PIWIL3: variants seen among roughly 807,000 people sequenced by gnomAD.
PIWIL3 encodes the protein piwi like RNA-mediated gene silencing 3, also known as piwi-like protein 3.
In PIWIL3, 101 loss-of-function variants were observed where a neutral mutation model predicts 109.7. That is an observed-to-expected ratio of 0.92 (90% CI 0.78 to 1.09). The LOEUF is 1.09. Ranked by LOEUF, PIWIL3 falls within the 50% of genes least tolerant of loss-of-function variation. The pLI, the probability that PIWIL3 is intolerant of heterozygous loss-of-function variation, is 0.00. For synonymous variants in PIWIL3, 373 were observed against 376.4 expected, an observed-to-expected ratio of 0.99 and a Z score of 0.10; for missense variants, 1,031 against 1,072.6, an observed-to-expected ratio of 0.96 and a Z score of 0.54.
chr22:24,769,770 T>G (rs1926018029), intron 1 of PIWIL3: 1 of 151,784 alleles, frequency 6.6e-6, no homozygotes, highest in Non-Finnish European at 1.5e-5. Context: ...CACTCTGGCC[T>G]GGGCAACAAC....
At chr22:24,749,621 G>T (rs7292923) in intron 10 of PIWIL3, 72 bp downstream of exon 10, 1 of 1,611,424 alleles carries the variant, frequency 6.2e-7, no homozygotes, top group Non-Finnish European at 8.5e-7. Context: ...GACACCCTTC[G>T]AATTCCCTGA....
Position 24,746,448 on chromosome 22 carries a change from C to T in PIWIL3, c.1449+2459G>A, listed in dbSNP as rs142351201. Among the ~76,000 whole-genome samples, 329 of 139,738 alleles carry T rather than the reference C, an allele frequency of 2.4e-3. 8 individuals are homozygous for T. In the East Asian group the frequency reaches 0.067, roughly 29 times the overall value. The allele number at this position is 139,738 out of a possible 152,430, so 91.7% of individuals were successfully genotyped here. ...CATAATAAAAGCCATACACTTCAGA[C>T]CCACAGCTAGTATGGGAAAAAACTG... is the stretch of plus-strand genomic sequence containing the variant. On this transcript the variant is annotated intron_variant, in intron 12 of 20. Coordinates refer to ENST00000616349, the MANE Select transcript of PIWIL3 (RefSeq NM_001255975.1).
Position 24,756,543 on chromosome 22 carries a change from C to A in PIWIL3, c.518G>T (p.Arg173Leu). 4 of 1,614,098 alleles carry A rather than the reference C, an allele frequency of 2.5e-6. No individual in the cohort carries two copies. Among genetic ancestry groups the A allele is most frequent in the Non-Finnish European group, 3.4e-6 (4 of 1,180,000 alleles). Residue 173 changes from arginine to leucine, a missense_variant, in exon 5 of 21, where the codon CGC becomes CTC. Transcript: ENST00000616349. ...TAAAGAGTTTCCATCAAATATATGG[C>A]GCTCTCCAAATTTCCTTCTATGTTG... ...LDQHRRKFGE[R>L]HIFDGNSLLL...
chr22:24,743,193 A>G (rs1924111477), intron 12 of PIWIL3, among the ~76,000 whole-genome samples: 1 of 152,222 alleles, frequency 6.6e-6, no homozygotes. Context: ...AAAAAAATCA[A>G]AAGACAGATG....
intron 16 of PIWIL3, among the ~76,000 whole-genome samples, chr22:24,726,870 C>T (rs1386156753): frequency 6.6e-6 from 1 of 152,174 alleles, no homozygotes; most frequent in Non-Finnish European, 1.5e-5. Flanking sequence ...CATTATTAAA[C>T]AGAGGTAATT....
intron 4 of PIWIL3, among the ~76,000 whole-genome samples, chr22:24,757,440 C>G (rs1266093879): frequency 6.6e-6 from 1 of 152,084 alleles, no homozygotes; most frequent in African/African-American, 2.4e-5. Flanking sequence ...GGAGGCACCT[C>G]TACTTACAGT....
At chr22:24,762,131 GA>G (rs1401147747) in intron 2 of PIWIL3, among the ~76,000 whole-genome samples, 22 of 152,220 alleles carry the variant, frequency 1.4e-4, no homozygotes, top group African/African-American at 5.1e-4. Flanking sequence ...CTGAAGCCAA[GA>G]AATCTAGAAA....
At chr22:24,760,121 T>C in intron 2 of PIWIL3, 132 bp from the exon 3 acceptor site, 1 of 1,270,138 alleles carries the variant, frequency 7.9e-7, no homozygotes, top group South Asian at 1.4e-5. Flanking sequence ...ATAAACTAAG[T>C]TGTAATAAGC....
chr22:24,721,043 T>G (rs145268759), intron 19 of PIWIL3, among the ~76,000 whole-genome samples: 93 of 152,316 alleles, frequency 6.1e-4, no homozygotes, highest in African/African-American at 2.2e-3. Context: ...CATTTCATTC[T>G]CTCTTAACTG....
At chr22:24,737,787 G>A (rs1213070271) in intron 12 of PIWIL3, among the ~76,000 whole-genome samples, 1 of 152,164 alleles carries the variant, frequency 6.6e-6, no homozygotes, top group African/African-American at 2.4e-5. Context: ...GGACCTTAAG[G>A]GAACAGTGGT....
In PIWIL3 at chr22:24,719,776, C is replaced by T. The variant is rs1163129582; in HGVS notation, c.2477G>A (p.Cys826Tyr). 6.2e-7 allele frequency: 1 copy of T among 1,613,008 alleles called. No homozygotes were observed. Among genetic ancestry groups the T allele is most frequent in the Non-Finnish European group, 8.5e-7 (1 of 1,179,186 alleles). The change falls in exon 20 of 21, where the codon TGT (cysteine) becomes TAT (tyrosine). Residue 826 changes from cysteine to tyrosine, a missense_variant. Cys to Tyr is a radical substitution (Grantham distance 194). Transcript: ENST00000616349. ...SPDTVQRLTY[C>Y]LCHMYYNLPG... The stretch of plus-strand genomic sequence containing the variant: ...CAAATTATAATACATGTGGCATAGA[C>T]AATATGTTAAACGCTGTACTGTATC...
At chr22:24,725,988 A>G (rs958361474) in intron 16 of PIWIL3, among the ~76,000 whole-genome samples, 12 of 152,070 alleles carry the variant, frequency 7.9e-5, no homozygotes, top group African/African-American at 2.9e-4. Context: ...CCCTTACCGC[A>G]TTCTTATTTA....
intron 12 of PIWIL3, among the ~76,000 whole-genome samples, chr22:24,738,810 A>T (rs980260354): frequency 6.6e-6 from 1 of 152,150 alleles, no homozygotes; most frequent in Non-Finnish European, 1.5e-5. Flanking sequence ...TTCAATGCCC[A>T]AACACTCATC....
chr22:24,729,295 C>A (rs1923191300), intron 14 of PIWIL3, among the ~76,000 whole-genome samples: 1 of 152,106 alleles, frequency 6.6e-6, no homozygotes, highest in Non-Finnish European at 1.5e-5. Flanking sequence ...TCTTGGTGTC[C>A]ACACTCCTAA....
rs752064672 is a variant in PIWIL3 at position 24,723,150 on chromosome 22, T to C, written c.2337A>G (p.Val779=). 1.2e-6 allele frequency: 2 copies of C among 1,613,498 alleles called. No homozygotes were observed. Among genetic ancestry groups the C allele is most frequent in the South Asian group, 1.1e-5 (1 of 91,076 alleles). ...QNPPPGTVID[V]ELTRNEWYDF... ...CTTACCATTCATTCCTAGTCAACTC[T>C]ACATCAATAACTGTTCCTGGAGGTG... The change falls in exon 19 of 21, where the codon GTA becomes GTG. Residue 779 remains valine (V), a synonymous_variant. Transcript: ENST00000616349.
intron 12 of PIWIL3, among the ~76,000 whole-genome samples, chr22:24,740,829 C>A (rs1049023309): frequency 1.3e-5 from 2 of 152,140 alleles, no homozygotes. Context: ...TTCTGTCAGA[C>A]ACTCAAAGAA....
In PIWIL3 at chr22:24,754,073, C is replaced by G. The variant is rs765539196; in HGVS notation, c.918G>C (p.Gln306His). Residue 306 changes from glutamine (Q) to histidine (H), a missense_variant, in exon 8 of 21, where the codon CAG becomes CAC. Transcript: ENST00000616349. ...TTACTTCCTCTCGGATGTTTCCTGT[C>G]TGGGCCTGGGCAGATGTTCTCTTTA... ...DFIKRTSAQA[Q>H]TGNIREEVTN... 5.3e-5 allele frequency: 85 copies of G among 1,612,876 alleles called. No homozygotes were observed. The highest frequency in any genetic ancestry group is 7.2e-5 in the Non-Finnish European group (85 of 1,178,982).
At chr22:24,752,142 G>C (rs939730518) in intron 8 of PIWIL3, among the ~76,000 whole-genome samples, 1 of 151,274 alleles carries the variant, frequency 6.6e-6, no homozygotes, top group African/African-American at 2.4e-5. Context: ...ATGGAATTTA[G>C]GTGGTTAGTA....
intron 8 of PIWIL3, 135 bp downstream of exon 8, chr22:24,753,879 G>T: frequency 1.4e-6 from 1 of 695,238 alleles, no homozygotes; most frequent in Non-Finnish European, 2.4e-6. Context: ...CCAGAGGAGA[G>T]ACGTGTTCAG....
Sources: allele counts gnomAD v4.1 joint callset (sites outside exome capture counted in the v4.1 genomes callset), GRCh38; gene constraint gnomAD v4.1.1; transcripts MANE v1.5; gene names NCBI Gene and HGNC (gene_info 2026-07-23, HGNC 2026-07-21).